Variants in CCDC60 observed in about 807,000 individuals in gnomAD.
CCDC60 encodes coiled-coil domain-containing protein 60.
Under a neutral mutation model 63.5 loss-of-function variants are expected in CCDC60, and 54 were observed. The observed-to-expected ratio is 0.85, with a 90% CI of 0.68 to 1.07. The LOEUF (loss-of-function observed/expected upper bound fraction) is 1.07, where lower values mean the gene tolerates loss of function less well. CCDC60 is among the 50% of genes least tolerant of loss of function. CCDC60 has a pLI of 0.00. For missense variants in CCDC60, 651 were observed against 684.3 expected (o/e 0.95, Z 0.54); for synonymous variants, 206 against 238.8 (o/e 0.86, Z 1.27).
At chr12:119,529,925 T>C (rs1349532658) in intron 12 of CCDC60, among the ~76,000 whole-genome samples, 2 of 152,180 alleles carry the variant, frequency 1.3e-5, no homozygotes, top group African/African-American at 4.8e-5. Context: ...TTGCCCTCCA[T>C]AGTAACATTA....
At chr12:119,406,708 A>T (rs922777884) in intron 1 of CCDC60, among the ~76,000 whole-genome samples, 2 of 152,148 alleles carry the variant, frequency 1.3e-5, no homozygotes, top group African/African-American at 4.8e-5. Context: ...AAGGTTTTAA[A>T]TTGGAGCTGC....
intron 5 of CCDC60, among the ~76,000 whole-genome samples, chr12:119,496,756 G>A (rs1243470792): frequency 6.6e-6 from 1 of 152,186 alleles, no homozygotes; most frequent in Non-Finnish European, 1.5e-5. Context: ...CACACATGTA[G>A]GAAGCAGTGG....
At chr12:119,472,671 C>T (rs530701399) in intron 3 of CCDC60, among the ~76,000 whole-genome samples, 15 of 151,294 alleles carry the variant, frequency 9.9e-5, no homozygotes, top group African/African-American at 3.4e-4. Context: ...ACCTCTGCCT[C>T]CCAGGTTCAA....
intron 7 of CCDC60, among the ~76,000 whole-genome samples, chr12:119,511,322 T>A (rs1479232488): frequency 6.6e-6 from 1 of 152,216 alleles, no homozygotes; most frequent in Non-Finnish European, 1.5e-5. Flanking sequence ...GGTTTCTGCA[T>A]AATGAAGTCT....
At chr12:119,495,678 A>T (rs1466446174) in intron 5 of CCDC60, among the ~76,000 whole-genome samples, 1 of 152,034 alleles carries the variant, frequency 6.6e-6, no homozygotes, top group East Asian at 1.9e-4. Flanking sequence ...GTTTTCCCTT[A>T]TCTTGTGGTA....
At chr12:119,427,554 T>C (rs1390684219) in intron 1 of CCDC60, among the ~76,000 whole-genome samples, 1 of 152,206 alleles carries the variant, frequency 6.6e-6, no homozygotes, top group Non-Finnish European at 1.5e-5. Flanking sequence ...TCTATGTCCA[T>C]GAAAGGATAT....
intron 6 of CCDC60, among the ~76,000 whole-genome samples, chr12:119,502,477 A>T (rs1017233664): frequency 6.6e-6 from 1 of 152,344 alleles, no homozygotes. Context: ...GAGAAGCAGC[A>T]TTTAGGGATT....
In CCDC60 at chr12:119,334,969, C is replaced by A; in HGVS notation, c.-208C>A. On this transcript the variant is annotated 5_prime_UTR_variant, in exon 1 of 14. Coordinates refer to ENST00000327554, the MANE Select transcript of CCDC60 (RefSeq NM_178499.5). ...AAGTCCAGGCTTGCCTGATTCTGCC[C>A]TACCCGGACTTCCTTATCCCGTCTG... 1 of 453,240 alleles carries A rather than the reference C, an allele frequency of 2.2e-6. No individual in the cohort carries two copies. The highest frequency in any genetic ancestry group is 5.1e-5 in the South Asian group (1 of 19,702). 28.1% of individuals were successfully genotyped at this position (453,240 alleles called of 1,614,324 possible). A position where few individuals can be genotyped will look rare whatever the true frequency, so the allele number is the denominator to read the frequency against.
chr12:119,352,214 G>A (rs1254616379), intron 1 of CCDC60, among the ~76,000 whole-genome samples: 1 of 152,096 alleles, frequency 6.6e-6, no homozygotes, highest in Non-Finnish European at 1.5e-5. Context: ...AACAGCAAGG[G>A]GGAAATCCAC....
intron 2 of CCDC60, among the ~76,000 whole-genome samples, chr12:119,439,332 A>G (rs999429756): frequency 6.6e-6 from 1 of 152,050 alleles, no homozygotes; most frequent in East Asian, 1.9e-4. Flanking sequence ...AGTAGACTCC[A>G]CACTATATGT....
chr12:119,405,747 C>T (rs906834904), intron 1 of CCDC60, among the ~76,000 whole-genome samples: 1 of 152,152 alleles, frequency 6.6e-6, no homozygotes, highest in Non-Finnish European at 1.5e-5. Context: ...GCATTTAAAA[C>T]TTGAATAATT....
intron 2 of CCDC60, chr12:119,433,296 A>G: frequency 1.5e-6 from 1 of 652,262 alleles, no homozygotes; most frequent in Non-Finnish European, 2.8e-6. Context: ...TTGTTCTGCC[A>G]CTCTTCAGTT....
intron 2 of CCDC60, among the ~76,000 whole-genome samples, chr12:119,437,918 C>A (rs1347223597): frequency 8.0e-6 from 1 of 124,344 alleles, no homozygotes; most frequent in East Asian, 2.6e-4. Context: ...TTCCTCACAC[C>A]CTGCAGACAG....
intron 10 of CCDC60, among the ~76,000 whole-genome samples, chr12:119,523,292 C>A (rs1952579568): frequency 6.6e-6 from 1 of 152,202 alleles, no homozygotes; most frequent in African/African-American, 2.4e-5. Flanking sequence ...GGAGGACTAA[C>A]CCATCTTACA....
intron 1 of CCDC60, among the ~76,000 whole-genome samples, chr12:119,373,431 T>A (rs1955917948): frequency 6.6e-6 from 1 of 151,956 alleles, no homozygotes; most frequent in South Asian, 2.1e-4. Context: ...CAAATAGGGG[T>A]TTTCATCAGT....
intron 2 of CCDC60, among the ~76,000 whole-genome samples, chr12:119,430,036 AGTAAT>A (rs1950196966): frequency 6.6e-6 from 1 of 152,192 alleles, no homozygotes; most frequent in African/African-American, 2.4e-5. Flanking sequence ...CATGATGAAA[AGTAAT>A]GAAGGGATGA....
intron 1 of CCDC60, among the ~76,000 whole-genome samples, chr12:119,377,785 G>T (rs1442001294): frequency 6.6e-6 from 1 of 152,068 alleles, no homozygotes; most frequent in Admixed American, 6.6e-5. Flanking sequence ...GTGAACACAG[G>T]CTCTTAAACC....
chr12:119,414,930 T>C (rs1956673211), intron 1 of CCDC60, among the ~76,000 whole-genome samples: 1 of 152,244 alleles, frequency 6.6e-6, no homozygotes. Flanking sequence ...TTGAACAACT[T>C]CATCTATTCT....
intron 1 of CCDC60, among the ~76,000 whole-genome samples, chr12:119,398,735 G>A (rs1430023351): frequency 6.6e-6 from 1 of 152,232 alleles, no homozygotes; most frequent in African/African-American, 2.4e-5. Flanking sequence ...TAGATAATCT[G>A]TCTTGAGGAT....
Sources: gnomAD v4.1 joint callset for allele counts (sites outside exome capture counted in the v4.1 genomes callset) on GRCh38, gnomAD v4.1.1 for gene constraint, MANE v1.5 for transcripts, NCBI Gene and HGNC (gene_info 2026-07-23, HGNC 2026-07-21) for gene names.